OR9Q1: variants seen among roughly 807,000 people sequenced by gnomAD.
OR9Q1 encodes olfactory receptor 9Q1.
For missense variants in OR9Q1, 374 were observed against 378.8 expected (o/e 0.99, Z 0.11); for synonymous variants, 153 against 148.6 (o/e 1.03, Z -0.22).
At chr11:58,051,619 G>A (rs1590557611) in intron 1 of OR9Q1, among the ~76,000 whole-genome samples, 1 of 172 alleles carries the variant, frequency 5.8e-3, no homozygotes, top group African/African-American at 6.2e-3. Flanking sequence ...AGAAAAAAAG[G>A]AAAAAAAAAA....
At chr11:58,148,533 A>G (rs1338014417) in intron 2 of OR9Q1, among the ~76,000 whole-genome samples, 3 of 152,196 alleles carry the variant, frequency 2.0e-5, no homozygotes, top group Non-Finnish European at 1.5e-5. Flanking sequence ...CCATGTGCAA[A>G]TGACCACAAG....
At chr11:58,062,366 G>C (rs187848371) in intron 2 of OR9Q1, among the ~76,000 whole-genome samples, 4 of 152,196 alleles carry the variant, frequency 2.6e-5, no homozygotes, top group Non-Finnish European at 5.9e-5. Context: ...TAGTTGATTG[G>C]GTTATCATCT....
At chr11:58,124,854 G>A (rs896426359) in intron 2 of OR9Q1, among the ~76,000 whole-genome samples, 2 of 152,100 alleles carry the variant, frequency 1.3e-5, no homozygotes, top group Non-Finnish European at 2.9e-5. Context: ...CATCTTCTCT[G>A]CGCTGATCAC....
At chr11:58,118,908 A>G (rs761412342) in intron 2 of OR9Q1, 8 of 1,614,044 alleles carry the variant, frequency 5.0e-6, no homozygotes, top group Non-Finnish European at 6.8e-6. Context: ...GTGGGAGGTC[A>G]CAGAAGAAGA....
chr11:58,092,631 C>A (rs778988108), intron 2 of OR9Q1, among the ~76,000 whole-genome samples: 6 of 152,144 alleles, frequency 3.9e-5, no homozygotes, highest in Non-Finnish European at 8.8e-5. Context: ...ACATGTCATG[C>A]ACTGCTTTTG....
At chr11:58,119,275 G>A (rs1299009391) in intron 2 of OR9Q1, 3 of 1,613,880 alleles carry the variant, frequency 1.9e-6, no homozygotes, top group African/African-American at 1.3e-5. Context: ...GTACATTGGG[G>A]TGTAGAGTTT....
intron 2 of OR9Q1, among the ~76,000 whole-genome samples, chr11:58,149,962 C>G (rs554075291): frequency 5.3e-5 from 8 of 152,246 alleles, no homozygotes; most frequent in South Asian, 4.1e-4. Flanking sequence ...GTTTTCTATT[C>G]TTTTGCATAG....
chr11:58,114,012 C>T (rs1853927012), intron 2 of OR9Q1, among the ~76,000 whole-genome samples: 1 of 152,148 alleles, frequency 6.6e-6, no homozygotes, highest in Non-Finnish European at 1.5e-5. Flanking sequence ...GAGATTGCTG[C>T]TGTGAGAATC....
intron 2 of OR9Q1, among the ~76,000 whole-genome samples, chr11:58,169,215 T>TC (rs1006034126): frequency 1.3e-5 from 2 of 152,142 alleles, no homozygotes; most frequent in Non-Finnish European, 2.9e-5. Context: ...TGTTGTTTTT[T>TC]CCCCCTCTCT....
chr11:58,042,805 A>G (rs918461819), intron 1 of OR9Q1, among the ~76,000 whole-genome samples: 16 of 152,052 alleles, frequency 1.1e-4, no homozygotes, highest in Non-Finnish European at 1.5e-4. Context: ...ATTCGTTTGT[A>G]TCCTCTTTTA....
chr11:58,168,925 CATT>C (rs1462931530), intron 2 of OR9Q1, among the ~76,000 whole-genome samples: 1 of 152,100 alleles, frequency 6.6e-6, no homozygotes, highest in Non-Finnish European at 1.5e-5. Flanking sequence ...ATGAGCCTCA[CATT>C]ATCTCAAGTG....
intron 2 of OR9Q1, among the ~76,000 whole-genome samples, chr11:58,126,092 C>T (rs2119827812): frequency 6.6e-6 from 1 of 152,266 alleles, no homozygotes; most frequent in Non-Finnish European, 1.5e-5. Flanking sequence ...ATACTTCATT[C>T]ATGTCTATAC....
At chr11:58,122,555 T>C (rs767701369) in intron 2 of OR9Q1, among the ~76,000 whole-genome samples, 6 of 152,318 alleles carry the variant, frequency 3.9e-5, no homozygotes, top group South Asian at 2.1e-4. Context: ...AAATACTGAG[T>C]ATATAAAGCA....
intron 2 of OR9Q1, among the ~76,000 whole-genome samples, chr11:58,141,513 G>T (rs916702231): frequency 6.6e-6 from 1 of 152,104 alleles, no homozygotes; most frequent in Non-Finnish European, 1.5e-5. Flanking sequence ...TTATATGCTG[G>T]ATTACGTTTA....
intron 1 of OR9Q1, among the ~76,000 whole-genome samples, 193 bp from the exon 2 acceptor site, chr11:58,055,677 G>A (rs1194396217): frequency 6.6e-6 from 1 of 151,936 alleles, no homozygotes; most frequent in South Asian, 2.1e-4. Context: ...GCATGTGCCT[G>A]TAGTCCCAGC....
intron 2 of OR9Q1, chr11:58,078,347 A>G (rs577486819): frequency 6.6e-6 from 1 of 152,354 alleles, no homozygotes; most frequent in Non-Finnish European, 1.5e-5. Context: ...GGCCATAGGA[A>G]ATGGTTGTCT....
intron 2 of OR9Q1, among the ~76,000 whole-genome samples, chr11:58,127,298 T>G (rs1814059): frequency 0.21 from 31,790 of 151,978 alleles, 3,907 homozygotes; most frequent in Middle Eastern, 0.38. Flanking sequence ...GCATCTTAGG[T>G]TAGCTTCCTT....
chr11:58,090,419 T>C (rs1470612037), intron 2 of OR9Q1, among the ~76,000 whole-genome samples: 3 of 152,250 alleles, frequency 2.0e-5, no homozygotes, highest in African/African-American at 4.8e-5. Flanking sequence ...GTTTTTGTCA[T>C]TGGTTCTGTT....
chr11:58,120,803 C>CATATATATAT (rs61634454), intron 2 of OR9Q1, among the ~76,000 whole-genome samples: 3,135 of 132,462 alleles, frequency 0.024, 79 homozygotes, highest in African/African-American at 0.044. Flanking sequence ...ATTTCAATAC[C>CATATATATAT]ATATATATAT....
Sources: gnomAD v4.1 joint callset for allele counts (sites outside exome capture counted in the v4.1 genomes callset) on GRCh38, gnomAD v4.1.1 for gene constraint, MANE v1.5 for transcripts, NCBI Gene and HGNC (gene_info 2026-07-23, HGNC 2026-07-21) for gene names.